Variants in LAMA2 observed in about 807,000 individuals in gnomAD.
LAMA2 encodes the protein laminin subunit alpha 2, also known as laminin subunit alpha-2.
LAMA2 carries 269 observed loss-of-function variants against 364.8 expected under a neutral mutation model. The observed-to-expected ratio is 0.74, with a 90% CI of 0.67 to 0.82. The LOEUF (loss-of-function observed/expected upper bound fraction) is 0.82, where lower values mean the gene tolerates loss of function less well. Ranked by LOEUF, LAMA2 falls within the 40% of genes least tolerant of loss-of-function variation. The probability of loss-of-function intolerance (pLI) is 0.00; values close to 1 mark genes in which losing one functional copy is unlikely to be tolerated. For missense variants in LAMA2, 3,807 were observed against 3,873.2 expected (o/e 0.98, Z 0.45); for synonymous variants, 1,379 against 1,370.6 (o/e 1.01, Z -0.14).
At chr6:129,037,272 G>A (rs147328642) in intron 1 of LAMA2, among the ~76,000 whole-genome samples, 1 of 152,224 alleles carries the variant, frequency 6.6e-6, no homozygotes, top group East Asian at 1.9e-4. Flanking sequence ...GCATGAAATA[G>A]CAGGATAAAT....
At chr6:129,203,630 C>T (rs994366820) in intron 12 of LAMA2, among the ~76,000 whole-genome samples, 1 of 152,186 alleles carries the variant, frequency 6.6e-6, no homozygotes, top group African/African-American at 2.4e-5. Flanking sequence ...TCTCACATAG[C>T]AAAATAATAC....
intron 15 of LAMA2, among the ~76,000 whole-genome samples, chr6:129,261,606 G>C (rs1014536860): frequency 1.3e-5 from 2 of 152,034 alleles, no homozygotes; most frequent in East Asian, 1.9e-4. Flanking sequence ...TCTTTAAAAT[G>C]GTGCCTTTAA....
intron 35 of LAMA2, among the ~76,000 whole-genome samples, chr6:129,389,485 C>T (rs183834518): frequency 3.9e-5 from 6 of 152,234 alleles, no homozygotes; most frequent in Admixed American, 2.6e-4. Context: ...ATCTGGCATC[C>T]CTTTTATAAG....
intron 1 of LAMA2, among the ~76,000 whole-genome samples, chr6:129,019,827 A>T (rs1785307565): frequency 6.6e-6 from 1 of 152,186 alleles, no homozygotes; most frequent in Non-Finnish European, 1.5e-5. Context: ...TCACGCCTGT[A>T]ATCCTAGCAC....
intron 1 of LAMA2, among the ~76,000 whole-genome samples, chr6:128,914,564 T>C (rs968449226): frequency 6.6e-6 from 1 of 152,222 alleles, no homozygotes; most frequent in Non-Finnish European, 1.5e-5. Flanking sequence ...AAAATAGCTA[T>C]GCTCACTTCA....
In LAMA2 at chr6:129,393,172, G is replaced by C; in HGVS notation, c.5362G>C (p.Asp1788His). 1 of 1,614,058 alleles carries C rather than the reference G, an allele frequency of 6.2e-7. No homozygotes were observed. Among genetic ancestry groups the C allele is most frequent in the Non-Finnish European group, 8.5e-7 (1 of 1,179,960 alleles). ...CAAAAACAAAGTTGATGATGCTTGG[G>C]ACCTTTTGAGAGAAGCCACAGATAA... Reference protein sequence around the residue: ...DYKNKVDDAWDLLREATDKIR... With the variant: ...DYKNKVDDAWHLLREATDKIR... Residue 1788 changes from aspartate (D) to histidine (H), a missense_variant, in exon 37 of 65, where the codon GAC becomes CAC. Physicochemically the swap from Asp to His is moderately conservative, Grantham distance 81. This residue lies in a region of LAMA2 where 3,333 missense variants were observed against 3,345.7 expected (regional missense o/e 1.00). Transcript: ENST00000421865.
At chr6:129,442,124 G>T (rs765035870) in intron 43 of LAMA2, 120 of 942,672 alleles carry the variant, frequency 1.3e-4, no homozygotes, top group Non-Finnish European at 1.8e-4. Flanking sequence ...AAAATATTTG[G>T]AGTATAAAAA....
At position 129,137,330 on chromosome 6, in the gene LAMA2, T is replaced by A. The variant is rs114869695; in HGVS notation, c.640-6571T>A. ...CTACATGCTGCATGAAAATGAGGAC[T>A]TTCCAGTTCTGAGTAGAAGGAATAT... is the stretch of plus-strand genomic sequence containing the variant. On this transcript the variant is annotated intron_variant, in intron 4 of 64. Coordinates refer to ENST00000421865, the MANE Select transcript of LAMA2 (RefSeq NM_000426.4). 6.4e-3 allele frequency among the ~76,000 whole-genome samples: 966 copies of A among 152,080 alleles called. 9 individuals carry two copies. Among genetic ancestry groups the A allele is most frequent in the African/African-American group, 0.022 (908 of 41,510 alleles).
chr6:129,394,415 G>A (rs1244068799), intron 37 of LAMA2, among the ~76,000 whole-genome samples: 5 of 152,198 alleles, frequency 3.3e-5, no homozygotes, highest in Admixed American at 2.0e-4. Flanking sequence ...AGTAGTAAGA[G>A]GAAGAATTAC....
chr6:129,305,715 TTTTAA>T (rs1417338088), intron 22 of LAMA2, among the ~76,000 whole-genome samples: 1 of 152,144 alleles, frequency 6.6e-6, no homozygotes. Flanking sequence ...TAATTTGGCC[TTTTAA>T]TTTGAGGAGT....
chr6:129,087,011 C>T (rs578058432), intron 3 of LAMA2, among the ~76,000 whole-genome samples: 1 of 152,254 alleles, frequency 6.6e-6, no homozygotes, highest in East Asian at 1.9e-4. Context: ...TCTTCTTTTG[C>T]CTCCCTCTTA....
chr6:129,256,013 C>T (rs551857994), intron 14 of LAMA2, among the ~76,000 whole-genome samples: 32 of 152,306 alleles, frequency 2.1e-4, no homozygotes, highest in African/African-American at 7.7e-4. Context: ...CAAATATTTA[C>T]TGAGCACCTT....
At chr6:129,066,038 G>GTATGTC (rs59543848) in intron 3 of LAMA2, among the ~76,000 whole-genome samples, 1,332 of 37,120 alleles carry the variant, frequency 0.036, 271 homozygotes, top group African/African-American at 0.052. Context: ...CCAGTCTCAG[G>GTATGTC]TTTTTTTTTT....
chr6:129,486,623 G>T lies in LAMA2; in HGVS notation c.7898+1G>T. 1.2e-6 allele frequency: 2 copies of T among 1,612,902 alleles called. No homozygotes were observed. Among genetic ancestry groups the T allele is most frequent in the Non-Finnish European group, 1.7e-6 (2 of 1,178,966 alleles). Reference sequence around the variant, plus strand: ...CCGTTCATGTAGAGCGAACTAGAGGGTAACAATAGCACTAAAATATTTATT... The same window carrying T: ...CCGTTCATGTAGAGCGAACTAGAGGTTAACAATAGCACTAAAATATTTATT... On this transcript the variant is annotated splice_donor_variant, in intron 56 of 64. Transcript: ENST00000421865. LOFTEE classifies it high-confidence loss of function.
chr6:129,043,392 T>C (rs1787239224), intron 1 of LAMA2, among the ~76,000 whole-genome samples: 1 of 152,214 alleles, frequency 6.6e-6, no homozygotes, highest in African/African-American at 2.4e-5. Context: ...TTATACTGTC[T>C]TTTATCATCT....
intron 12 of LAMA2, among the ~76,000 whole-genome samples, chr6:129,228,407 A>G (rs1374011882): frequency 6.6e-6 from 1 of 152,104 alleles, no homozygotes; most frequent in East Asian, 1.9e-4. Context: ...GAAGTCACCC[A>G]TATTCTGTGT....
chr6:128,995,304 G>T (rs115777427), intron 1 of LAMA2, among the ~76,000 whole-genome samples: 1,773 of 152,204 alleles, frequency 0.012, 34 homozygotes, highest in African/African-American at 0.041. Flanking sequence ...TGTCATTCAG[G>T]TAGTGGGTAT....
In LAMA2 at chr6:129,476,643, A is replaced by G. The variant is rs569849447; in HGVS notation, c.7451+1242A>G. 4.0e-4 allele frequency among the ~76,000 whole-genome samples: 61 copies of G among 152,314 alleles called. No individual in the cohort carries two copies. In the South Asian group the frequency reaches 9.5e-3, roughly 24 times the overall value. On this transcript the variant is annotated intron_variant, in intron 53 of 64. Transcript: ENST00000421865. ...ACTTGTAGGAGTGATTTACTTTAGTAACAAGACCTCTGAAAAAAATGGTGA... is the reference window on the plus strand; with the variant it reads ...ACTTGTAGGAGTGATTTACTTTAGTGACAAGACCTCTGAAAAAAATGGTGA...
At chr6:129,399,493 G>A (rs979281818) in intron 37 of LAMA2, among the ~76,000 whole-genome samples, 5 of 152,160 alleles carry the variant, frequency 3.3e-5, no homozygotes, top group Non-Finnish European at 7.3e-5. Flanking sequence ...TTTGTATGAA[G>A]GTAAATTACT....
Sources: allele counts gnomAD v4.1 joint callset (sites outside exome capture counted in the v4.1 genomes callset), GRCh38; gene constraint gnomAD v4.1.1; regional missense constraint gnomAD v4.1.1; transcripts MANE v1.5; gene names NCBI Gene and HGNC (gene_info 2026-07-23, HGNC 2026-07-21).